MAGI2: variants seen among roughly 807,000 people sequenced by gnomAD.
MAGI2 encodes membrane associated guanylate kinase, WW and PDZ domain containing 2, also known as membrane-associated guanylate kinase, WW and PDZ domain-containing protein 2.
Under a neutral mutation model 133.3 loss-of-function variants are expected in MAGI2, and 35 were observed. That is an observed-to-expected ratio of 0.26 (90% CI 0.20 to 0.35). MAGI2 has a LOEUF of 0.35. MAGI2 is among the 10% of genes least tolerant of loss of function. The pLI is 1.00. For synonymous variants in MAGI2, 729 were observed against 710.6 expected (o/e 1.03, Z -0.41); for missense variants, 1,636 against 1,863.4 (o/e 0.88, Z 2.25).
intron 6 of MAGI2, among the ~76,000 whole-genome samples, chr7:78,430,240 CTTTTTTTT>C (rs545809101): frequency 2.6e-5 from 2 of 76,646 alleles, no homozygotes; most frequent in African/African-American, 1.1e-4. Context: ...CTGGAAAAGC[CTTTTTTTT>C]TTTTTTTTTT....
intron 2 of MAGI2, among the ~76,000 whole-genome samples, chr7:78,931,247 C>A (rs902206918): frequency 2.6e-5 from 4 of 152,016 alleles, no homozygotes; most frequent in African/African-American, 9.7e-5. Context: ...TTCACTGATT[C>A]AATGACTGGA....
At chr7:79,315,971 C>T (rs1267684749) in intron 1 of MAGI2, among the ~76,000 whole-genome samples, 1 of 152,058 alleles carries the variant, frequency 6.6e-6, no homozygotes, top group Non-Finnish European at 1.5e-5. Flanking sequence ...TAAATAGTTA[C>T]ATGGCCCTGG....
At chr7:79,260,273 T>C (rs1833981144) in intron 1 of MAGI2, among the ~76,000 whole-genome samples, 2 of 152,116 alleles carry the variant, frequency 1.3e-5, no homozygotes, top group Admixed American at 1.3e-4. Flanking sequence ...GGAGGATGAC[T>C]TGAGCCCGTG....
chr7:79,397,760 C>G (rs926358098), intron 1 of MAGI2, among the ~76,000 whole-genome samples: 3 of 152,074 alleles, frequency 2.0e-5, no homozygotes, highest in Non-Finnish European at 4.4e-5. Flanking sequence ...GCTCATTCTG[C>G]CTCCCCCTCC....
At chr7:78,931,057 G>A (rs1329827954) in intron 2 of MAGI2, among the ~76,000 whole-genome samples, 1 of 152,070 alleles carries the variant, frequency 6.6e-6, no homozygotes, top group African/African-American at 2.4e-5. Flanking sequence ...TAACGCAGAA[G>A]CAGTGACAGA....
At chr7:78,856,707 T>C (rs1284475236) in intron 2 of MAGI2, among the ~76,000 whole-genome samples, 1 of 152,204 alleles carries the variant, frequency 6.6e-6, no homozygotes, top group Non-Finnish European at 1.5e-5. Flanking sequence ...CTTTTTTCTT[T>C]TGGCTTAGGA....
chr7:79,122,234 A>G (rs1819966594), intron 1 of MAGI2, among the ~76,000 whole-genome samples: 1 of 152,180 alleles, frequency 6.6e-6, no homozygotes, highest in African/African-American at 2.4e-5. Context: ...TAAGTTTGCA[A>G]GGAAAATATG....
chr7:78,700,046 A>T (rs1185973510), intron 2 of MAGI2, among the ~76,000 whole-genome samples: 1 of 152,158 alleles, frequency 6.6e-6, no homozygotes, highest in Non-Finnish European at 1.5e-5. Context: ...TATTTTATTT[A>T]TCTACTGTGC....
intron 2 of MAGI2, among the ~76,000 whole-genome samples, chr7:78,864,955 C>A (rs1794432128): frequency 1.3e-5 from 2 of 152,136 alleles, no homozygotes; most frequent in African/African-American, 4.8e-5. Flanking sequence ...TACTTTAATG[C>A]CCCAGGAACG....
At chr7:78,250,121 TAAATG>T (rs1202390806) in intron 10 of MAGI2, among the ~76,000 whole-genome samples, 1 of 151,904 alleles carries the variant, frequency 6.6e-6, no homozygotes, top group African/African-American at 2.4e-5. Flanking sequence ...CCCTCCAAAA[TAAATG>T]AATATTAAAA....
intron 2 of MAGI2, among the ~76,000 whole-genome samples, chr7:78,873,011 A>G (rs1481270485): frequency 2.6e-5 from 4 of 152,172 alleles, no homozygotes; most frequent in African/African-American, 9.7e-5. Context: ...ATAGTTATAA[A>G]TTTCTATTTC....
chr7:78,764,998 G>C (rs755252472), intron 2 of MAGI2, among the ~76,000 whole-genome samples: 56 of 152,232 alleles, frequency 3.7e-4, no homozygotes, highest in Non-Finnish European at 7.2e-4. Flanking sequence ...CAGAGTGGGA[G>C]ATTCAGGAAA....
At chr7:78,677,733 T>A (rs1815202591) in intron 2 of MAGI2, among the ~76,000 whole-genome samples, 2 of 152,110 alleles carry the variant, frequency 1.3e-5, no homozygotes, top group Non-Finnish European at 2.9e-5. Context: ...ATTTATTACA[T>A]AATTTCGTCC....
At chr7:79,195,323 C>T (rs749051354) in intron 1 of MAGI2, among the ~76,000 whole-genome samples, 4 of 151,984 alleles carry the variant, frequency 2.6e-5, no homozygotes, top group African/African-American at 9.7e-5. Flanking sequence ...ATCAACTGAG[C>T]TTTTAATGAC....
chr7:78,338,923 G>A (rs1790058500), intron 9 of MAGI2, among the ~76,000 whole-genome samples: 1 of 152,020 alleles, frequency 6.6e-6, no homozygotes, highest in Admixed American at 6.5e-5. Context: ...GGGGGATTGC[G>A]TGAGCCCAGG....
intron 4 of MAGI2, among the ~76,000 whole-genome samples, chr7:78,512,748 T>C (rs995983994): frequency 6.6e-6 from 1 of 152,198 alleles, no homozygotes; most frequent in African/African-American, 2.4e-5. Context: ...AGAATGCATA[T>C]TTCGTGCCTC....
chr7:78,791,611 G>A (rs1033474107), intron 2 of MAGI2, among the ~76,000 whole-genome samples: 1 of 148,282 alleles, frequency 6.7e-6, no homozygotes, highest in Non-Finnish European at 1.5e-5. Flanking sequence ...GCATGATCTC[G>A]GCTCACTGCA....
chr7:79,157,545 G>T lies in MAGI2; in HGVS notation c.302-150339C>A, dbSNP rs1823902364. ...GACAAAATTCCTAGGCCACATCTCA[G>T]ATCCTCCTTTTAAGAAAAAAAAAAA... On this transcript the variant is annotated intron_variant, in intron 1 of 21. Transcript: ENST00000354212. Among the ~76,000 whole-genome samples the T allele has an allele frequency of 2.4e-5, 3 of 123,332 alleles. No homozygotes were observed. In the South Asian group the frequency reaches 7.6e-4, roughly 31 times the overall value. 80.9% of individuals were successfully genotyped at this position (123,332 alleles called of 152,430 possible).
chr7:79,016,008 G>T (rs913396774), intron 1 of MAGI2, among the ~76,000 whole-genome samples: 25 of 115,796 alleles, frequency 2.2e-4, no homozygotes, highest in East Asian at 6.0e-4. Flanking sequence ...CGGGGGGGGG[G>T]GGTGGGGGTT....
Sources: allele counts gnomAD v4.1 joint callset (sites outside exome capture counted in the v4.1 genomes callset), GRCh38; gene constraint gnomAD v4.1.1; transcripts MANE v1.5; gene names NCBI Gene and HGNC (gene_info 2026-07-23, HGNC 2026-07-21).